Variants in POLG2 observed in about 807,000 individuals in gnomAD.
POLG2 encodes DNA polymerase subunit gamma-2.
A neutral mutation model predicts 56.5 loss-of-function variants in POLG2; 50 were observed. That is an observed-to-expected ratio of 0.88 (90% CI 0.71 to 1.12). POLG2 has a LOEUF of 1.12. Among genes scored for constraint, POLG2 ranks in the 50% most tolerant of loss-of-function variants. POLG2 has a pLI of 0.00. For missense variants in POLG2, 584 were observed against 583.3 expected (o/e 1.00, Z -0.01); for synonymous variants, 226 against 222.6 (o/e 1.02, Z -0.14).
chr17:64,478,006 A>G lies in POLG2; in HGVS notation c.1293-18T>C, dbSNP rs782385486. On this transcript the variant is annotated intron_variant, in intron 7 of 7. Transcript: ENST00000539111. ...CATCATACCTAAGAAAAAAGTAGTT[A>G]AACAGACACATGAGCACAAATGTAA... 15 of 1,611,600 alleles carry G rather than the reference A, an allele frequency of 9.3e-6. No homozygotes were observed. The East Asian group carries it at 2.7e-4, about 29-fold the overall frequency.
intron 4 of POLG2, among the ~76,000 whole-genome samples, chr17:64,486,224 G>A (rs1311394811): frequency 6.6e-6 from 1 of 152,154 alleles, no homozygotes; most frequent in Non-Finnish European, 1.5e-5. Flanking sequence ...TAAAACTATG[G>A]TGCTTGGTTG....
chr17:64,478,746 A>G (rs2037807893), intron 7 of POLG2, among the ~76,000 whole-genome samples: 1 of 151,536 alleles, frequency 6.6e-6, no homozygotes, highest in Admixed American at 6.6e-5. Flanking sequence ...AACTACAAAA[A>G]ATTAGCTGGG....
chr17:64,494,464 T>C (rs2038116492), intron 1 of POLG2, among the ~76,000 whole-genome samples: 1 of 152,220 alleles, frequency 6.6e-6, no homozygotes, highest in African/African-American at 2.4e-5. Context: ...GACTGTTGCT[T>C]GAATCAATGA....
intron 1 of POLG2, among the ~76,000 whole-genome samples, chr17:64,495,076 G>T (rs1365556749): frequency 2.0e-5 from 3 of 151,770 alleles, no homozygotes; most frequent in African/African-American, 7.3e-5. Flanking sequence ...TACTCGGGAG[G>T]CTGAGGCAGG....
At chr17:64,481,383 C>T (rs1302653189) in intron 6 of POLG2, 1 of 985,208 alleles carries the variant, frequency 1.0e-6, no homozygotes, top group African/African-American at 1.7e-5. Flanking sequence ...TTTTTAGTGT[C>T]CGCATTCAGG....
In POLG2 at chr17:64,490,906, T is replaced by C; in HGVS notation, c.859A>G (p.Asn287Asp). The C allele has an allele frequency of 6.2e-7, 1 of 1,614,026 alleles. No homozygotes were observed. Among genetic ancestry groups the C allele is most frequent in the Non-Finnish European group, 8.5e-7 (1 of 1,179,866 alleles). ...DCQDEEGRKG[N>D]KLYYNFPWGK... ...CAGGGAAAATTGTAGTAAAGTTTGT[T>C]TCCTTTCCGGCCTTCTTCATCCTGA... Residue 287 changes from asparagine (N) to aspartate (D), a missense_variant, in exon 4 of 8, where the codon AAC becomes GAC. By Grantham distance (23) the Asn-to-Asp change is conservative (BLOSUM62 1). Transcript: ENST00000539111.
At chr17:64,495,713 ATTTTT>A (rs879955859) in intron 1 of POLG2, among the ~76,000 whole-genome samples, 10 of 147,924 alleles carry the variant, frequency 6.8e-5, no homozygotes, top group Non-Finnish European at 3.0e-5. Context: ...AACTATTTGA[ATTTTT>A]TTTTTTTAAG....
chr17:64,496,990 A>G lies in POLG2; in HGVS notation c.-22T>C, dbSNP rs1375019378. The stretch of plus-strand genomic sequence containing the variant: ...GCATCTCTCTCCGAAGTTAAAGAGC[A>G]CACTCTCCCATCACTCAACGGATCC... On this transcript the variant is annotated 5_prime_UTR_variant, in exon 1 of 8. Transcript: ENST00000539111. 1 of 1,593,206 alleles carries G rather than the reference A, an allele frequency of 6.3e-7. No homozygotes were observed. Among genetic ancestry groups the G allele is most frequent in the African/African-American group, 1.3e-5 (1 of 74,892 alleles).
intron 4 of POLG2, 182 bp downstream of exon 4, chr17:64,490,614 G>A: frequency 8.1e-6 from 5 of 618,934 alleles, no homozygotes; most frequent in Non-Finnish European, 1.4e-5. Flanking sequence ...GGCAATAGTG[G>A]ATTACTGTTA....
chr17:64,493,903 G>C (rs1280750416), intron 1 of POLG2, among the ~76,000 whole-genome samples: 2 of 151,840 alleles, frequency 1.3e-5, no homozygotes, highest in African/African-American at 4.8e-5. Flanking sequence ...TTTTTTTCTT[G>C]TTCACTCCCA....
Position 64,496,941 on chromosome 17 carries a change from A to G in POLG2, c.28T>C (p.Cys10Arg). The stretch of plus-strand genomic sequence containing the variant: ...AACAGGCACCTGCAGACCTTATGGC[A>G]GGCCCTGACGGCTACACGAGAGCGC... Reference protein sequence around the residue: MRSRVAVRACHKVCRCLLSG... With the variant: MRSRVAVRARHKVCRCLLSG... Residue 10 changes from cysteine to arginine, a missense_variant, in exon 1 of 8, where the codon TGC (cysteine) becomes CGC (arginine). Cys to Arg is a radical substitution (Grantham distance 180). Transcript: ENST00000539111. The G allele has an allele frequency of 6.2e-7, 1 of 1,609,410 alleles. No individual in the cohort carries two copies. Among genetic ancestry groups the G allele is most frequent in the East Asian group, 2.2e-5 (1 of 44,876 alleles).
In POLG2 at chr17:64,496,789, G is replaced by A; in HGVS notation, c.180C>T (p.Pro60=). 1.2e-6 allele frequency: 2 copies of A among 1,613,590 alleles called. No individual in the cohort carries two copies. Among genetic ancestry groups the A allele is most frequent in the South Asian group, 1.1e-5 (1 of 91,054 alleles). Residue 60 remains proline (P), a synonymous_variant, in exon 1 of 8, where the codon CCC becomes CCT. Transcript: ENST00000539111. ...LEGNGEHPEA[P]GSGEGSEALL... ...GCGCCTCGCTTCCCTCTCCAGACCC[G>A]GGGGCTTCTGGGTGCTCGCCGTTCC...
chr17:64,489,945 A>G (rs533674734), intron 4 of POLG2, among the ~76,000 whole-genome samples: 99 of 149,278 alleles, frequency 6.6e-4, no homozygotes, highest in African/African-American at 2.1e-3. Flanking sequence ...TTTTTTTTTG[A>G]GACAGAGTCT....
chr17:64,495,463 C>T (rs1008518461), intron 1 of POLG2, among the ~76,000 whole-genome samples: 2 of 151,842 alleles, frequency 1.3e-5, no homozygotes, highest in African/African-American at 4.8e-5. Flanking sequence ...GCCTGTAGTC[C>T]AGCTACTTGG....
intron 3 of POLG2, chr17:64,491,657 C>T: frequency 5.1e-6 from 7 of 1,368,592 alleles, no homozygotes; most frequent in Non-Finnish European, 7.3e-6. Flanking sequence ...ACTACTGGTA[C>T]TACAACAAGT....
At chr17:64,487,669 CG>C (rs1312636452) in intron 4 of POLG2, among the ~76,000 whole-genome samples, 1 of 149,078 alleles carries the variant, frequency 6.7e-6, no homozygotes, top group Non-Finnish European at 1.5e-5. Context: ...TTCTGTGGTG[CG>C]CTTTGAATCA....
At chr17:64,490,565 C>T (rs1555668306) in intron 4 of POLG2, 3 of 527,738 alleles carry the variant, frequency 5.7e-6, no homozygotes, top group Non-Finnish European at 3.4e-6. Flanking sequence ...CCTATAAATG[C>T]CATTATTGAG....
In POLG2 at chr17:64,477,798, ATATT is replaced by A. The variant is rs782067370; in HGVS notation, c.*21_*24del. 2.6e-6 allele frequency: 4 copies of A among 1,540,836 alleles called. No individual in the cohort carries two copies. The African/African-American group carries it at 4.2e-5, about 16-fold the overall frequency. The stretch of plus-strand genomic sequence containing the variant: ...AAGACAACCAAATTAGGAGAGAAGA[ATATT>A]TATTATACAAATATAAAAATCTATA... On this transcript the variant is annotated 3_prime_UTR_variant, in exon 8 of 8. Transcript: ENST00000539111.
At chr17:64,489,361 T>TAAA (rs1555668105) in intron 4 of POLG2, among the ~76,000 whole-genome samples, 1 of 135,360 alleles carries the variant, frequency 7.4e-6, no homozygotes. Flanking sequence ...TGTTTTTTTT[T>TAAA]AAAAAAAAAA....
Sources: allele counts gnomAD v4.1 joint callset (sites outside exome capture counted in the v4.1 genomes callset), GRCh38; gene constraint gnomAD v4.1.1; transcripts MANE v1.5; gene names NCBI Gene and HGNC (gene_info 2026-07-23, HGNC 2026-07-21).